The following RFX6 variants were observed in gnomAD, a reference collection of about 807,000 sequenced individuals.
The protein encoded by RFX6 is regulatory factor X6.
Under a neutral mutation model 110.8 loss-of-function variants are expected in RFX6, and 50 were observed. The ratio of observed to expected loss-of-function variants is 0.45; its 90% confidence interval spans 0.36 to 0.57. The LOEUF (loss-of-function observed/expected upper bound fraction) is 0.57, where lower values mean the gene tolerates loss of function less well. Among genes scored for constraint, RFX6 ranks in the 20% least tolerant of loss-of-function variants. The pLI is 0.00. For missense variants in RFX6, 990 were observed against 1,127.0 expected, an observed-to-expected ratio of 0.88 and a Z score of 1.74; for synonymous variants, 383 against 411.2, an observed-to-expected ratio of 0.93 and a Z score of 0.83.
chr6:116,902,292 G>C (rs1775091836), intron 6 of RFX6, among the ~76,000 whole-genome samples: 2 of 151,878 alleles, frequency 1.3e-5, no homozygotes, highest in African/African-American at 4.8e-5. Flanking sequence ...AATCAGGATG[G>C]TAAGTGGGTA....
rs758330161 is a variant in RFX6 at position 116,877,249 on chromosome 6, G to T, written c.-27G>T. The T allele has an allele frequency of 5.1e-6, 8 of 1,566,206 alleles. No homozygotes were observed. The South Asian group carries it at 8.0e-5, about 16-fold the overall frequency. On this transcript the variant is annotated 5_prime_UTR_variant, in exon 1 of 19. Transcript: ENST00000332958. ...CGCTGGGGAACCGGCCGAGCGGCGC[G>T]CGCGGAGGTGTCCGGCGGCCAGGAG...
rs1458044483 is a variant in RFX6 at position 116,906,889 on chromosome 6, C to G, written c.673-4046C>G. Among the ~76,000 whole-genome samples the G allele has an allele frequency of 1.3e-4, 20 of 149,126 alleles. No homozygotes were observed. In the South Asian group the frequency reaches 4.0e-3, roughly 30 times the overall value. On this transcript the variant is annotated intron_variant, in intron 6 of 18. Transcript: ENST00000332958. ...TTTTTTTTTTGCCTAACTACTCTAG[C>G]TAAGACTTCTAGTACCATGTTGAGT...
At chr6:116,900,484 A>T (rs1775044343) in intron 6 of RFX6, among the ~76,000 whole-genome samples, 1 of 152,036 alleles carries the variant, frequency 6.6e-6, no homozygotes, top group Admixed American at 6.6e-5. Flanking sequence ...TGAACTCCTG[A>T]CCTCAGGTGA....
intron 18 of RFX6, 135 bp downstream of exon 18, chr6:116,929,106 A>C (rs1330441898): frequency 5.7e-6 from 4 of 707,408 alleles, no homozygotes; most frequent in Non-Finnish European, 1.0e-5. Flanking sequence ...CTTGGATCTA[A>C]AGTTATATTT....
intron 4 of RFX6, among the ~76,000 whole-genome samples, chr6:116,891,655 T>C (rs952162648): frequency 6.6e-6 from 1 of 152,220 alleles, no homozygotes; most frequent in African/African-American, 2.4e-5. Context: ...GAAATATTAG[T>C]AATTATTTCA....
intron 7 of RFX6, 76 bp from the exon 8 acceptor site, chr6:116,915,932 T>C: frequency 9.6e-7 from 1 of 1,038,058 alleles, no homozygotes. Context: ...TTTTAAAAAA[T>C]CTGTGTTGAA....
chr6:116,877,930 C>G lies in RFX6; in HGVS notation c.358C>G (p.Gln120Glu). ...GCAGATTGTGAAGGATAAAAAGAAG[C>G]AGACACAGCTCACGCTGCAGTGGTG... ...ITQIVKDKKK[Q>E]TQLTLQWLEE... The change falls in exon 2 of 19, where the codon CAG (glutamine) becomes GAG (glutamate). Residue 120 changes from glutamine to glutamate, a missense_variant. By Grantham distance (29) the Gln-to-Glu change is conservative. Transcript: ENST00000332958. The G allele has an allele frequency of 6.2e-7, 1 of 1,614,120 alleles. No individual in the cohort carries two copies. Among genetic ancestry groups the G allele is most frequent in the Non-Finnish European group, 8.5e-7 (1 of 1,180,020 alleles).
chr6:116,911,031 T>A lies in RFX6; in HGVS notation c.769T>A (p.Ser257Thr). Residue 257 changes from serine (S) to threonine (T), a missense_variant, in exon 7 of 19, where the codon TCT becomes ACT. By Grantham distance (58) the Ser-to-Thr change is moderately conservative (BLOSUM62 1). Around this residue, in one of 5 missense-constraint regions of RFX6, gnomAD observed 243 missense variants for 353.1 expected, o/e 0.69. Coordinates refer to ENST00000332958, the MANE Select transcript of RFX6 (RefSeq NM_173560.4). ...ACACCTTGTATACCAAGGATGCATT[T>A]CTAAGGACAAGGTATCAATTACAGA... ...AQHLVYQGCI[S>T]KDKVDTLIMM... 1 of 1,602,928 alleles carries A rather than the reference T, an allele frequency of 6.2e-7. No individual in the cohort carries two copies.
At chr6:116,925,396 A>G (rs569064178) in intron 15 of RFX6, 57 bp from the exon 16 acceptor site, 15 of 1,307,600 alleles carry the variant, frequency 1.1e-5, no homozygotes, top group Non-Finnish European at 1.7e-5. Flanking sequence ...ACTTGGGTTT[A>G]TCTACGAGGA....
chr6:116,922,218 T>C, intron 13 of RFX6, 67 bp downstream of exon 13: 1 of 844,510 alleles, frequency 1.2e-6, no homozygotes, highest in Middle Eastern at 2.2e-4. Context: ...CTGGCTATAA[T>C]TTTTTGTCTG....
At chr6:116,908,901 A>G (rs1422862452) in intron 6 of RFX6, among the ~76,000 whole-genome samples, 2 of 152,118 alleles carry the variant, frequency 1.3e-5, no homozygotes, top group African/African-American at 4.8e-5. Context: ...TTTGTTTAAT[A>G]CTGTCTTTAG....
chr6:116,884,455 G>A (rs1774657080), intron 4 of RFX6, among the ~76,000 whole-genome samples: 1 of 152,078 alleles, frequency 6.6e-6, no homozygotes, highest in South Asian at 2.1e-4. Context: ...TAAATAAAGT[G>A]CCAGATTCAA....
At chr6:116,893,454 C>G (rs1248256282) in intron 4 of RFX6, among the ~76,000 whole-genome samples, 4 of 152,148 alleles carry the variant, frequency 2.6e-5, no homozygotes, top group Non-Finnish European at 4.4e-5. Context: ...AGCCTTCTCC[C>G]CATTGTTGCA....
intron 4 of RFX6, among the ~76,000 whole-genome samples, chr6:116,888,408 AT>A (rs1314891849): frequency 1.3e-5 from 2 of 152,198 alleles, no homozygotes; most frequent in Non-Finnish European, 2.9e-5. Context: ...TTTTTCATAA[AT>A]TTTAAATCAG....
chr6:116,931,180 T>C lies in RFX6; in HGVS notation c.2612-151T>C, dbSNP rs193221075. On this transcript the variant is annotated intron_variant, in intron 18 of 18. Coordinates refer to ENST00000332958, the MANE Select transcript of RFX6 (RefSeq NM_173560.4). ...AAGTGGGAACAAATGGAAGAAAAAATGATTGCTCTGGTAAACCATACAGAC... is the reference window on the plus strand; with the variant it reads ...AAGTGGGAACAAATGGAAGAAAAAACGATTGCTCTGGTAAACCATACAGAC... 14 of 682,816 alleles carry C rather than the reference T, an allele frequency of 2.1e-5. No homozygotes were observed. The East Asian group carries it at 2.1e-4, about 10-fold the overall frequency. 42.3% of individuals were successfully genotyped at this position (682,816 alleles called of 1,614,324 possible). A position where few individuals can be genotyped will look rare whatever the true frequency, so the allele number is the denominator to read the frequency against.
chr6:116,891,187 A>G (rs1398903879), intron 4 of RFX6, among the ~76,000 whole-genome samples: 1 of 152,182 alleles, frequency 6.6e-6, no homozygotes, highest in South Asian at 2.1e-4. Flanking sequence ...CAGATTTTCA[A>G]TGTCTGTTTT....
chr6:116,902,822 A>AT (rs1775104762), intron 6 of RFX6, among the ~76,000 whole-genome samples: 1 of 152,202 alleles, frequency 6.6e-6, no homozygotes, highest in East Asian at 1.9e-4. Context: ...CTTTTCAAAT[A>AT]TTTGTAGACT....
intron 2 of RFX6, among the ~76,000 whole-genome samples, chr6:116,880,266 A>T (rs1012652474): frequency 1.3e-5 from 2 of 152,074 alleles, no homozygotes; most frequent in Admixed American, 6.5e-5. Context: ...CATGAGGTTT[A>T]TATAGAAGAC....
Position 116,880,592 on chromosome 6 carries a change from C to T in RFX6, c.429C>T (p.Cys143=). 2 of 1,613,074 alleles carry T rather than the reference C, an allele frequency of 1.2e-6. No homozygotes were observed. The highest frequency in any genetic ancestry group is 1.7e-6 in the Non-Finnish European group (2 of 1,179,208). The part of the protein sequence containing the change: ...IVCEGVCLPR[C]ILYAHYLDFC... ...GTGAAGGAGTTTGCTTACCACGGTG[C>T]ATTCTTTATGCACACTACTTAGATT... Residue 143 remains cysteine, a synonymous_variant, in exon 3 of 19, where the codon TGC becomes TGT. Transcript: ENST00000332958.
Sources: allele counts gnomAD v4.1 joint callset (sites outside exome capture counted in the v4.1 genomes callset), GRCh38; gene constraint gnomAD v4.1.1; regional missense constraint gnomAD v4.1.1; transcripts MANE v1.5; gene names NCBI Gene and HGNC (gene_info 2026-07-23, HGNC 2026-07-21).